Variants in AGO4 observed in about 807,000 individuals in gnomAD.
The protein encoded by AGO4 is protein argonaute-4.
Under a neutral mutation model 104.7 loss-of-function variants are expected in AGO4, and 33 were observed. The observed-to-expected ratio is 0.32, with a 90% CI of 0.24 to 0.42. AGO4 has a LOEUF of 0.42. Among genes scored for constraint, AGO4 ranks in the 10% least tolerant of loss-of-function variants. The pLI, the probability that AGO4 is intolerant of heterozygous loss-of-function variation, is 1.00. For synonymous variants in AGO4, 331 were observed against 364.7 expected (o/e 0.91, Z 1.05); for missense variants, 711 against 1,083.4 (o/e 0.66, Z 4.83).
At chr1:35,848,459 G>A (rs1256598068) in intron 15 of AGO4, among the ~76,000 whole-genome samples, 2 of 151,862 alleles carry the variant, frequency 1.3e-5, no homozygotes, top group African/African-American at 4.8e-5. Flanking sequence ...CACTTTTCAT[G>A]AAGTCAGGAA....
Position 35,848,852 on chromosome 1 carries a change from A to G in AGO4, c.2176-1305A>G, listed in dbSNP as rs189142152. Among the ~76,000 whole-genome samples the G allele has an allele frequency of 6.8e-3, 1,033 of 151,596 alleles. 16 individuals carry two copies. The highest frequency in any genetic ancestry group is 0.022 in the African/African-American group (908 of 41,338). On this transcript the variant is annotated intron_variant, in intron 15 of 17. Coordinates refer to ENST00000373210, the MANE Select transcript of AGO4 (RefSeq NM_017629.4). ...TATTCCTAAAGAACACACTTTGGGG[A>G]AAAAAAAATGCTAGAACCAACTAGA... is the stretch of plus-strand genomic sequence containing the variant.
chr1:35,829,309 GA>G (rs763135799), intron 7 of AGO4, among the ~76,000 whole-genome samples: 2,616 of 113,078 alleles, frequency 0.023, 60 homozygotes, highest in African/African-American at 0.063. Flanking sequence ...TTCTTTCTCA[GA>G]AAAAAAAAAA....
intron 3 of AGO4, 98 bp downstream of exon 3, chr1:35,823,080 TG>T: frequency 7.1e-7 from 1 of 1,410,880 alleles, no homozygotes; most frequent in Non-Finnish European, 9.7e-7. Context: ...AAAACATAAA[TG>T]TTTGAGGTGA....
At chr1:35,824,564 C>A (rs1285744262) in intron 3 of AGO4, among the ~76,000 whole-genome samples, 6 of 144,620 alleles carry the variant, frequency 4.1e-5, no homozygotes, top group African/African-American at 1.3e-4. Flanking sequence ...TGTGGGAGAT[C>A]GAGGTGGGAG....
intron 13 of AGO4, 49 bp downstream of exon 13, chr1:35,836,042 T>A: frequency 6.3e-7 from 1 of 1,580,038 alleles, no homozygotes; most frequent in African/African-American, 1.4e-5. Flanking sequence ...CTAACTTACA[T>A]AATTTATGGG....
intron 13 of AGO4, among the ~76,000 whole-genome samples, chr1:35,840,487 CAG>C (rs1644413826): frequency 6.6e-6 from 1 of 152,022 alleles, no homozygotes; most frequent in African/African-American, 2.4e-5. Flanking sequence ...TTAGTAGAAA[CAG>C]GGTTTCACCG....
chr1:35,823,088 G>A, intron 3 of AGO4, 106 bp downstream of exon 3: 1 of 1,345,966 alleles, frequency 7.4e-7, no homozygotes, highest in Non-Finnish European at 1.0e-6. Flanking sequence ...AATGTTTGAG[G>A]TGATGATATC....
chr1:35,844,555 G>A (rs1644521990), intron 15 of AGO4, among the ~76,000 whole-genome samples: 1 of 152,010 alleles, frequency 6.6e-6, no homozygotes, highest in African/African-American at 2.4e-5. Flanking sequence ...AGATCTAGAA[G>A]GCAAGAATTT....
chr1:35,840,594 C>T (rs1225966689), intron 13 of AGO4, among the ~76,000 whole-genome samples: 1 of 151,634 alleles, frequency 6.6e-6, no homozygotes, highest in Non-Finnish European at 1.5e-5. Flanking sequence ...CCACCACGCC[C>T]GGCCTCTTTT....
intron 17 of AGO4, 86 bp from the exon 18 acceptor site, chr1:35,853,411 C>A: frequency 3.4e-6 from 4 of 1,159,770 alleles, no homozygotes; most frequent in Non-Finnish European, 3.7e-6. Flanking sequence ...TCTGTTACAC[C>A]TGTTTTTTGT....
chr1:35,836,576 A>C (rs1029343676), intron 13 of AGO4, among the ~76,000 whole-genome samples: 1 of 152,086 alleles, frequency 6.6e-6, no homozygotes, highest in African/African-American at 2.4e-5. Context: ...CACCCGGCTA[A>C]TTTTTTGTAT....
chr1:35,850,983 G>T lies in AGO4; in HGVS notation c.2407G>T (p.Ala803Ser), dbSNP rs1302078323. The change falls in exon 17 of 18, where the codon GCC (alanine) becomes TCC (serine). Residue 803 changes from alanine (A) to serine (S), a missense_variant. Ala to Ser is a moderately conservative substitution (Grantham distance 99). Around this residue, in one of 3 missense-constraint regions of AGO4, gnomAD observed 401 missense variants for 665.5 expected, o/e 0.60. Transcript: ENST00000373210. ...GTGCACTCGCTCAGTCTCTATTCCAGCCCCTGCATATTATGCCCGGCTTGT... is the reference window on the plus strand; with the variant it reads ...GTGCACTCGCTCAGTCTCTATTCCATCCCCTGCATATTATGCCCGGCTTGT... ...VRCTRSVSIP[A>S]PAYYARLVAF... 1 of 1,613,998 alleles carries T rather than the reference G, an allele frequency of 6.2e-7. No homozygotes were observed. The highest frequency in any genetic ancestry group is 2.2e-5 in the East Asian group (1 of 44,874).
intron 7 of AGO4, 124 bp from the exon 8 acceptor site, chr1:35,831,303 G>C: frequency 2.0e-6 from 2 of 1,017,466 alleles, no homozygotes; most frequent in Non-Finnish European, 2.7e-6. Flanking sequence ...CGGAGGTTGA[G>C]ATCACGCCAT....
At chr1:35,832,959 GCATCTTA>G (rs1479349774) in intron 11 of AGO4, among the ~76,000 whole-genome samples, 1 of 152,126 alleles carries the variant, frequency 6.6e-6, no homozygotes, top group Non-Finnish European at 1.5e-5. Context: ...AAGTAGGTTC[GCATCTTA>G]CAGATGCAGC....
At chr1:35,835,676 G>A (rs991972859) in intron 12 of AGO4, among the ~76,000 whole-genome samples, 158 bp from the exon 13 acceptor site, 40 of 152,134 alleles carry the variant, frequency 2.6e-4, no homozygotes, top group Non-Finnish European at 4.9e-4. Context: ...AAATTGCCCT[G>A]GGGGTTTAGC....
intron 10 of AGO4, 27 bp downstream of exon 10, chr1:35,832,212 C>T: frequency 6.2e-7 from 1 of 1,607,794 alleles, no homozygotes; most frequent in Non-Finnish European, 8.5e-7. Context: ...ATTCAGCAAG[C>T]TTCTTCCACA....
At chr1:35,840,353 G>T (rs1206532819) in intron 13 of AGO4, among the ~76,000 whole-genome samples, 2 of 152,104 alleles carry the variant, frequency 1.3e-5, no homozygotes, top group South Asian at 2.1e-4. Flanking sequence ...GTAGAGACAG[G>T]GTTTCACCAT....
intron 1 of AGO4, among the ~76,000 whole-genome samples, chr1:35,813,404 A>G (rs1404306282): frequency 6.7e-6 from 1 of 148,356 alleles, no homozygotes; most frequent in Non-Finnish European, 1.5e-5. Context: ...GCGAGACTCC[A>G]TCTCAAAAAA....
chr1:35,835,162 A>G (rs1644281149), intron 12 of AGO4, among the ~76,000 whole-genome samples: 1 of 151,664 alleles, frequency 6.6e-6, no homozygotes, highest in Non-Finnish European at 1.5e-5. Flanking sequence ...GGCACGTGCC[A>G]TCTCCTGCCT....
Sources: gnomAD v4.1 joint callset for allele counts (sites outside exome capture counted in the v4.1 genomes callset) on GRCh38, gnomAD v4.1.1 for gene constraint, gnomAD v4.1.1 regional missense constraint, MANE v1.5 for transcripts, NCBI Gene and HGNC (gene_info 2026-07-23, HGNC 2026-07-21) for gene names.